The following MPPED2 variants were observed in gnomAD, a reference collection of about 807,000 sequenced individuals.
The protein encoded by MPPED2 is metallophosphoesterase MPPED2.
MPPED2 carries 5 observed loss-of-function variants against 33.0 expected under a neutral mutation model. The observed-to-expected ratio is 0.15, with a 90% CI of 0.08 to 0.32. MPPED2 has a LOEUF of 0.32. Ranked by LOEUF, MPPED2 falls within the 10% of genes least tolerant of loss-of-function variation. The pLI is 1.00. For missense variants in MPPED2, 275 were observed against 372.1 expected (o/e 0.74, Z 2.15); for synonymous variants, 136 against 141.9 (o/e 0.96, Z 0.29).
chr11:30,385,804 CTTAG>C (rs1187449469), exon 7 of MPPED2: 1 of 152,176 alleles, frequency 6.6e-6, no homozygotes, highest in Non-Finnish European at 1.5e-5. Flanking sequence ...ATCCACATCA[CTTAG>C]ACCTTTACTT....
chr11:30,544,491 G>T lies in MPPED2; in HGVS notation c.129-8316C>A, dbSNP rs1459206001. On this transcript the variant is annotated intron_variant, in intron 2 of 6. Coordinates refer to ENST00000358117, the MANE Select transcript of MPPED2 (RefSeq NM_001584.3). ...ATAAAGAAGACAAAGAAGCAATAAA[G>T]ATGGTTCCCTCAAGGATTCTGCCAA... Among the ~76,000 whole-genome samples the T allele has an allele frequency of 5.9e-5, 9 of 152,332 alleles. No individual in the cohort carries two copies. In the East Asian group the frequency reaches 1.7e-3, roughly 29 times the overall value.
rs1266689951 is a variant in MPPED2, at chr11:30,476,473, A to G, written c.536+18823T>C. On this transcript the variant is annotated intron_variant, in intron 4 of 6. Coordinates refer to ENST00000358117, the MANE Select transcript of MPPED2 (RefSeq NM_001584.3). Reference sequence around the variant, plus strand: ...AAAGGTCACGGTTTTCCATATTGATATTTATCTGTCCAGGTACCATTTATC... The same window carrying G: ...AAAGGTCACGGTTTTCCATATTGATGTTTATCTGTCCAGGTACCATTTATC... Among the ~76,000 whole-genome samples the G allele has an allele frequency of 2.6e-5, 4 of 151,926 alleles. No homozygotes were observed. The East Asian group carries it at 7.7e-4, about 29-fold the overall frequency.
chr11:30,463,891 A>G (rs1950603238), intron 4 of MPPED2, among the ~76,000 whole-genome samples: 1 of 151,134 alleles, frequency 6.6e-6, no homozygotes, highest in Non-Finnish European at 1.5e-5. Context: ...CTTAAATGAA[A>G]TAACACATAA....
chr11:30,474,256 G>A (rs1284505921), intron 4 of MPPED2, among the ~76,000 whole-genome samples: 2 of 152,142 alleles, frequency 1.3e-5, no homozygotes, highest in Non-Finnish European at 2.9e-5. Flanking sequence ...TGAACAGATG[G>A]CCATGGTCCT....
At chr11:30,386,536 T>C in exon 7 of MPPED2, 1 of 391,738 alleles carries the variant, frequency 2.6e-6, no homozygotes, top group Non-Finnish European at 4.5e-6. Context: ...AAACCTCTTT[T>C]CTTTATAAAA....
intron 2 of MPPED2, among the ~76,000 whole-genome samples, chr11:30,565,795 T>C (rs1282806927): frequency 5.3e-5 from 8 of 152,324 alleles, no homozygotes; most frequent in Non-Finnish European, 7.4e-5. Context: ...CTTTTCCTGA[T>C]CATTTGCTTT....
At position 30,495,364 on chromosome 11, in the gene MPPED2, C is replaced by T; in HGVS notation, c.468G>A (p.Leu156=). The T allele has an allele frequency of 6.2e-7, 1 of 1,614,108 alleles. No individual in the cohort carries two copies. ...AATCTTGTAAGTAAATACTGTTTGT[C>T]AGGAGGGACTGAACATTGTCAAAGT... ...PEDFDNVQSL[L]TNSIYLQDSE... The change falls in exon 4 of 7, where the codon CTG becomes CTA. Residue 156 remains leucine, a synonymous_variant. Transcript: ENST00000358117.
At chr11:30,560,982 T>G (rs1956216298) in intron 2 of MPPED2, among the ~76,000 whole-genome samples, 1 of 152,182 alleles carries the variant, frequency 6.6e-6, no homozygotes, top group East Asian at 1.9e-4. Flanking sequence ...GTGCCCTGAA[T>G]AGAAAACAAG....
chr11:30,410,673 A>T lies in MPPED2; in HGVS notation c.*795T>A, dbSNP rs13642. ...TGCAGTTGTACTGTCCTTGACAATA[A>T]TAAACTCCTAACGTAGTCATAATAC... On this transcript the variant is annotated 3_prime_UTR_variant, in exon 7 of 7. Coordinates refer to ENST00000358117, the MANE Select transcript of MPPED2 (RefSeq NM_001584.3). 0.35 allele frequency: 343,051 copies of T among 984,582 alleles called. 60,826 individuals are homozygous for T. The highest frequency in any genetic ancestry group is 0.38 in the Middle Eastern group (727 of 1,914). The allele number at this position is 984,582 out of a possible 1,614,324, so 61.0% of individuals were successfully genotyped here.
intron 3 of MPPED2, among the ~76,000 whole-genome samples, chr11:30,520,640 T>A (rs1397806741): frequency 6.6e-6 from 1 of 152,158 alleles, no homozygotes; most frequent in African/African-American, 2.4e-5. Flanking sequence ...ATGAAGGGAG[T>A]ATTTACAGCA....
At chr11:30,518,326 C>T (rs1953656637) in intron 3 of MPPED2, among the ~76,000 whole-genome samples, 1 of 152,202 alleles carries the variant, frequency 6.6e-6, no homozygotes, top group Non-Finnish European at 1.5e-5. Flanking sequence ...CTGTTTATCT[C>T]CAAACCAGTT....
chr11:30,443,305 C>T (rs184362839), intron 4 of MPPED2, among the ~76,000 whole-genome samples: 3 of 152,278 alleles, frequency 2.0e-5, no homozygotes, highest in East Asian at 1.9e-4. Flanking sequence ...AGTGTCAGAG[C>T]TTATTATTAT....
Position 30,510,023 on chromosome 11 carries a change from A to G in MPPED2, c.311-14502T>C, listed in dbSNP as rs546658947. Among the ~76,000 whole-genome samples, 8 of 152,342 alleles carry G rather than the reference A, an allele frequency of 5.3e-5. No homozygotes were observed. The East Asian group carries it at 9.7e-4, about 18-fold the overall frequency. ...AGTTTTTCTAAAGACTGTGCCTACA[A>G]TCATGAATCCTGGGTCCTAACATTC... On this transcript the variant is annotated intron_variant, in intron 3 of 6. Transcript: ENST00000358117.
chr11:30,538,999 T>A (rs898477830), intron 2 of MPPED2, among the ~76,000 whole-genome samples: 1 of 152,126 alleles, frequency 6.6e-6, no homozygotes, highest in African/African-American at 2.4e-5. Flanking sequence ...CTGGAGCTCA[T>A]AGGAAGAAGA....
At chr11:30,413,604 A>T (rs1187138760) in intron 6 of MPPED2, among the ~76,000 whole-genome samples, 1 of 152,212 alleles carries the variant, frequency 6.6e-6, no homozygotes, top group Non-Finnish European at 1.5e-5. Context: ...AGATTTAATT[A>T]TTCTGCTTAA....
intron 3 of MPPED2, among the ~76,000 whole-genome samples, chr11:30,506,963 C>T (rs889778728): frequency 6.6e-6 from 1 of 152,158 alleles, no homozygotes; most frequent in Non-Finnish European, 1.5e-5. Context: ...AAATGGTCTT[C>T]CAGAACTTGA....
At chr11:30,412,027 A>T (rs1461806254) in intron 6 of MPPED2, among the ~76,000 whole-genome samples, 1 of 151,992 alleles carries the variant, frequency 6.6e-6, no homozygotes, top group Non-Finnish European at 1.5e-5. Flanking sequence ...GAGGGGGGAA[A>T]GGATACTGCA....
At chr11:30,504,523 C>A (rs1952724495) in intron 3 of MPPED2, among the ~76,000 whole-genome samples, 1 of 152,124 alleles carries the variant, frequency 6.6e-6, no homozygotes, top group African/African-American at 2.4e-5. Flanking sequence ...TGCTGCTGTA[C>A]CCCTGGCACC....
chr11:30,426,714 C>G (rs1948854251), intron 4 of MPPED2, among the ~76,000 whole-genome samples: 1 of 152,180 alleles, frequency 6.6e-6, no homozygotes, highest in African/African-American at 2.4e-5. Context: ...TAAACTTTGG[C>G]CTTCTTTTTT....
Sources: gnomAD v4.1 joint callset for allele counts (sites outside exome capture counted in the v4.1 genomes callset) on GRCh38, gnomAD v4.1.1 for gene constraint, MANE v1.5 for transcripts, NCBI Gene and HGNC (gene_info 2026-07-23, HGNC 2026-07-21) for gene names.